FTCDNL1: variants seen among roughly 807,000 people sequenced by gnomAD.
The protein encoded by FTCDNL1 is formiminotransferase cyclodeaminase N-terminal like.
FTCDNL1 carries 11 observed loss-of-function variants against 5.9 expected under a neutral mutation model. That is an observed-to-expected ratio of 1.87 (90% CI 1.18 to 3.10). FTCDNL1 has a LOEUF of 3.10. Among genes scored for constraint, FTCDNL1 ranks in the 30% most tolerant of loss-of-function variants. The pLI is 0.00. For missense variants in FTCDNL1, 115 were observed against 65.5 expected, an observed-to-expected ratio of 1.76 and a Z score of -2.61; for synonymous variants, 58 against 24.8, an observed-to-expected ratio of 2.34 and a Z score of -3.99.
chr2:199,695,571 CTGCATG>C, the FTCDNL1 span, among the ~76,000 whole-genome samples: 4,775 of 152,184 alleles, frequency 0.031, 238 homozygotes, highest in African/African-American at 0.11. Flanking sequence ...GCTGGGAACC[CTGCATG>C]TGGTTGCCGA....
At chr2:199,820,575 C>T (rs897384159) in intron 3 of FTCDNL1, among the ~76,000 whole-genome samples, 4 of 152,198 alleles carry the variant, frequency 2.6e-5, no homozygotes, top group Admixed American at 1.3e-4. Context: ...ACATTTCCAT[C>T]GCCACAGAAA....
At chr2:199,774,838 T>C (rs1295086290) in intron 3 of FTCDNL1, among the ~76,000 whole-genome samples, 1 of 152,154 alleles carries the variant, frequency 6.6e-6, no homozygotes, top group Non-Finnish European at 1.5e-5. Context: ...ATTCACAGTA[T>C]CTCTCAAATT....
chr2:199,808,085 C>T (rs1289945398), downstream of FTCDNL1, among the ~76,000 whole-genome samples: 2 of 152,154 alleles, frequency 1.3e-5, no homozygotes, highest in South Asian at 2.1e-4. Flanking sequence ...AGCTCTCTTG[C>T]TCCTTCTCTG....
At chr2:199,799,307 A>G (rs574918387) in intron 3 of FTCDNL1, among the ~76,000 whole-genome samples, 1 of 152,324 alleles carries the variant, frequency 6.6e-6, no homozygotes, top group South Asian at 2.1e-4. Context: ...CCCAATGGTA[A>G]GAAAAGGAAA....
chr2:199,745,994 T>C, the FTCDNL1 span, among the ~76,000 whole-genome samples: 1 of 152,236 alleles, frequency 6.6e-6, no homozygotes, highest in East Asian at 1.9e-4. Context: ...ATATAAATGA[T>C]TCCACAACAT....
At chr2:199,850,043 C>T (rs717915) in intron 1 of FTCDNL1, among the ~76,000 whole-genome samples, 102,458 of 151,972 alleles carry the variant, frequency 0.67, 34,825 homozygotes, top group South Asian at 0.83. Context: ...ATGGTGCTCT[C>T]CCTCAATAAA....
intron 3 of FTCDNL1, among the ~76,000 whole-genome samples, chr2:199,768,998 G>A (rs765319670): frequency 3.9e-5 from 6 of 152,052 alleles, no homozygotes; most frequent in African/African-American, 1.2e-4. Context: ...AATCTAATAC[G>A]GTGCTGCAAT....
chr2:199,684,008 A>T, the FTCDNL1 span, among the ~76,000 whole-genome samples: 1 of 152,260 alleles, frequency 6.6e-6, no homozygotes, highest in African/African-American at 2.4e-5. Context: ...AATCCATAAT[A>T]TAGAGCCAGT....
intron 3 of FTCDNL1, among the ~76,000 whole-genome samples, chr2:199,776,690 G>A (rs886403122): frequency 6.6e-6 from 1 of 152,096 alleles, no homozygotes; most frequent in Non-Finnish European, 1.5e-5. Context: ...TAGATAGAGG[G>A]TGGACCCCAC....
At chr2:199,750,203 A>G in the FTCDNL1 span, among the ~76,000 whole-genome samples, 1 of 151,678 alleles carries the variant, frequency 6.6e-6, no homozygotes, top group Non-Finnish European at 1.5e-5. Context: ...AAAAAAATAC[A>G]AAAATTAGCC....
the FTCDNL1 span, among the ~76,000 whole-genome samples, chr2:199,738,347 C>T: frequency 1.1e-4 from 16 of 152,176 alleles, no homozygotes; most frequent in Admixed American, 2.0e-4. Context: ...CAGGAAAGCA[C>T]GTAAAGCATT....
chr2:199,780,204 G>A (rs768994078), intron 3 of FTCDNL1, among the ~76,000 whole-genome samples: 33 of 152,266 alleles, frequency 2.2e-4, no homozygotes, highest in African/African-American at 3.9e-4. Context: ...TCTGGAGCCC[G>A]GATGGCCCAC....
intron 3 of FTCDNL1, among the ~76,000 whole-genome samples, chr2:199,787,233 G>A (rs964305623): frequency 2.6e-5 from 4 of 151,762 alleles, no homozygotes; most frequent in East Asian, 1.9e-4. Context: ...CCAGGCTGGA[G>A]TGCAAGTGGC....
At chr2:199,687,985 G>A in the FTCDNL1 span, among the ~76,000 whole-genome samples, 3 of 151,962 alleles carry the variant, frequency 2.0e-5, no homozygotes, top group African/African-American at 7.2e-5. Context: ...GGTGGCTCAC[G>A]CCTGTAATCC....
Position 199,839,161 on chromosome 2 carries a change from T to TA in FTCDNL1, c.211+6913dup, listed in dbSNP as rs575967741. On this transcript the variant is annotated intron_variant, in intron 3 of 4. Coordinates refer to ENST00000420128, the MANE Select transcript of FTCDNL1 (RefSeq NM_001363886.2). ...TTATCAAACATTTAAGGAAAGCCTT[T>TA]AAAAAAAAAAATACAGGCAAAAGCA... 8.3e-4 allele frequency among the ~76,000 whole-genome samples: 122 copies of TA among 146,968 alleles called. 1 individual carries two copies. Among genetic ancestry groups the TA allele is most frequent in the Admixed American group, 5.0e-3 (74 of 14,726 alleles).
At chr2:199,798,851 A>G (rs1700302220) in intron 3 of FTCDNL1, among the ~76,000 whole-genome samples, 1 of 152,244 alleles carries the variant, frequency 6.6e-6, no homozygotes, top group Non-Finnish European at 1.5e-5. Context: ...GGAAGTCGGG[A>G]AAACCACAAT....
downstream of FTCDNL1, among the ~76,000 whole-genome samples, chr2:199,759,139 G>GTATA (rs372109443): frequency 1.3e-3 from 199 of 151,124 alleles, 1 homozygote; most frequent in African/African-American, 4.4e-3. Flanking sequence ...ATATTTGTGT[G>GTATA]TGTATATATA....
chr2:199,844,524 C>T, intron 3 of FTCDNL1: 1 of 599,706 alleles, frequency 1.7e-6, no homozygotes, highest in Non-Finnish European at 3.1e-6. Flanking sequence ...GCAGCCAGAA[C>T]AGAACTGCCT....
At chr2:199,727,739 A>G in the FTCDNL1 span, among the ~76,000 whole-genome samples, 2 of 152,156 alleles carry the variant, frequency 1.3e-5, no homozygotes, top group Non-Finnish European at 2.9e-5. Flanking sequence ...TTGCCTTATC[A>G]ATCCAGAAAC....
Sources: allele counts gnomAD v4.1 joint callset (sites outside exome capture counted in the v4.1 genomes callset), GRCh38; gene constraint gnomAD v4.1.1; transcripts MANE v1.5; gene names NCBI Gene and HGNC (gene_info 2026-07-23, HGNC 2026-07-21).